The following TMEM232 variants were observed in gnomAD, a reference collection of about 807,000 sequenced individuals.
TMEM232 encodes transmembrane protein 232.
Under a neutral mutation model 78.8 loss-of-function variants are expected in TMEM232, and 80 were observed. The ratio of observed to expected loss-of-function variants is 1.01; its 90% CI spans 0.85 to 1.22. The LOEUF (loss-of-function observed/expected upper bound fraction) is 1.22, where lower values mean the gene tolerates loss of function less well. TMEM232 is among the 50% of genes most tolerant of loss of function. TMEM232 has a pLI of 0.00. For synonymous variants in TMEM232, 297 were observed against 254.3 expected (o/e 1.17, Z -1.60); for missense variants, 881 against 742.2 (o/e 1.19, Z -2.17).
intron 12 of TMEM232, among the ~76,000 whole-genome samples, chr5:110,477,667 A>G (rs978059231): frequency 1.3e-5 from 2 of 151,838 alleles, no homozygotes; most frequent in African/African-American, 4.8e-5. Flanking sequence ...CAGTTTCCTA[A>G]AACATCTGTA....
At chr5:110,631,322 C>A (rs986622882) in intron 5 of TMEM232, among the ~76,000 whole-genome samples, 1 of 152,156 alleles carries the variant, frequency 6.6e-6, no homozygotes, top group African/African-American at 2.4e-5. Flanking sequence ...ACTGCCTCAG[C>A]AGTAGCACAA....
chr5:110,479,953 A>G (rs1195285838), intron 12 of TMEM232, among the ~76,000 whole-genome samples: 1 of 149,440 alleles, frequency 6.7e-6, no homozygotes, highest in East Asian at 1.9e-4. Context: ...TCAGCAGAGA[A>G]AAAAATACAT....
At chr5:110,667,908 T>A (rs1790811505) in intron 1 of TMEM232, among the ~76,000 whole-genome samples, 1 of 152,086 alleles carries the variant, frequency 6.6e-6, no homozygotes, top group African/African-American at 2.4e-5. Flanking sequence ...CTGCTTGTTT[T>A]TACGCCCAGA....
At chr5:110,488,585 G>C (rs1764708702) in intron 12 of TMEM232, among the ~76,000 whole-genome samples, 1 of 152,000 alleles carries the variant, frequency 6.6e-6, no homozygotes, top group African/African-American at 2.4e-5. Flanking sequence ...GCTAACCCTT[G>C]GAAGAAAACA....
At chr5:110,603,582 A>G (rs927364889) in intron 10 of TMEM232, among the ~76,000 whole-genome samples, 6 of 152,202 alleles carry the variant, frequency 3.9e-5, no homozygotes, top group Non-Finnish European at 7.3e-5. Context: ...AAAATCATGT[A>G]TTGAGCTGCT....
At chr5:110,632,191 G>C (rs1288805604) in intron 5 of TMEM232, among the ~76,000 whole-genome samples, 4 of 152,016 alleles carry the variant, frequency 2.6e-5, no homozygotes, top group African/African-American at 7.3e-5. Flanking sequence ...CATGTACTCA[G>C]AACCAAATAC....
intron 12 of TMEM232, among the ~76,000 whole-genome samples, chr5:110,525,720 C>T (rs748730070): frequency 2.6e-4 from 40 of 151,028 alleles, no homozygotes; most frequent in Non-Finnish European, 4.6e-4. Flanking sequence ...AACAAAATAG[C>T]TAGGAAAACA....
Position 110,460,600 on chromosome 5 carries a change from A to G in TMEM232, c.1704-35684T>C, listed in dbSNP as rs189502570. On this transcript the variant is annotated intron_variant, in intron 12 of 13. Transcript: ENST00000455884. ...AATTTGCCACTTCAAACACACACAC[A>G]TATACTACTATAGGCATATTTCATT... Among the ~76,000 whole-genome samples the G allele has an allele frequency of 1.1e-4, 17 of 152,154 alleles. No homozygotes were observed. The East Asian group carries it at 3.3e-3, about 29-fold the overall frequency.
At chr5:110,614,013 T>A (rs1012320774) in intron 8 of TMEM232, among the ~76,000 whole-genome samples, 13 of 151,876 alleles carry the variant, frequency 8.6e-5, no homozygotes, top group Admixed American at 5.3e-4. Context: ...TAATCTTTTT[T>A]AAAAAAAAGA....
intron 5 of TMEM232, among the ~76,000 whole-genome samples, chr5:110,633,943 G>T (rs1333041300): frequency 2.6e-5 from 4 of 152,042 alleles, no homozygotes; most frequent in Non-Finnish European, 4.4e-5. Flanking sequence ...ATTGTATGCT[G>T]CCTATAAGAA....
intron 12 of TMEM232, among the ~76,000 whole-genome samples, chr5:110,518,406 A>T (rs2149491804): frequency 1.3e-5 from 2 of 152,288 alleles, no homozygotes; most frequent in South Asian, 2.1e-4. Flanking sequence ...GAATACACAG[A>T]ATGCATCTGG....
rs142562991 is a variant in TMEM232 at position 110,579,465 on chromosome 5, A to G, written c.1277-10840T>C. Among the ~76,000 whole-genome samples the G allele has an allele frequency of 3.9e-3, 595 of 151,948 alleles. 1 individual carries two copies. The highest frequency in any genetic ancestry group is 6.1e-3 in the Non-Finnish European group (417 of 67,808). On this transcript the variant is annotated intron_variant, in intron 10 of 13. Transcript: ENST00000455884. ...ATACTACACTTAATACTATATTAGT[A>G]TAACAATGGTAAGTAAATCAATTTA...
chr5:110,581,205 C>T (rs1206541601), intron 10 of TMEM232, among the ~76,000 whole-genome samples: 2 of 151,710 alleles, frequency 1.3e-5, no homozygotes, highest in African/African-American at 4.8e-5. Context: ...GCCCAAATTG[C>T]CAAAGCAATC....
intron 12 of TMEM232, among the ~76,000 whole-genome samples, chr5:110,479,301 A>C (rs1339876181): frequency 6.6e-6 from 1 of 151,832 alleles, no homozygotes; most frequent in East Asian, 1.9e-4. Flanking sequence ...TGTAGACCCA[A>C]CTGAATTATA....
chr5:110,467,525 C>T (rs1762211844), intron 12 of TMEM232, among the ~76,000 whole-genome samples: 1 of 152,160 alleles, frequency 6.6e-6, no homozygotes, highest in Non-Finnish European at 1.5e-5. Context: ...ACTGCATTTG[C>T]AGAATAGCTT....
intron 12 of TMEM232, among the ~76,000 whole-genome samples, chr5:110,463,403 G>A (rs1761742938): frequency 6.6e-6 from 1 of 152,110 alleles, no homozygotes; most frequent in Admixed American, 6.5e-5. Flanking sequence ...ACTTTTATAT[G>A]CACTGGGGAA....
At chr5:110,559,683 G>C (rs1172500164) in intron 11 of TMEM232, among the ~76,000 whole-genome samples, 2 of 152,124 alleles carry the variant, frequency 1.3e-5, no homozygotes, top group African/African-American at 2.4e-5. Flanking sequence ...TTCAGTATTG[G>C]TAAGGATTAT....
intron 11 of TMEM232, among the ~76,000 whole-genome samples, chr5:110,535,310 C>T (rs1772176345): frequency 6.6e-6 from 1 of 152,238 alleles, no homozygotes; most frequent in East Asian, 1.9e-4. Flanking sequence ...GAAAGCTCCC[C>T]TACTGAGCAC....
chr5:110,693,941 G>A (rs1794444101), intron 1 of TMEM232, among the ~76,000 whole-genome samples: 1 of 152,002 alleles, frequency 6.6e-6, no homozygotes, highest in South Asian at 2.1e-4. Context: ...TCAAATTCAG[G>A]AAATACAGAG....
Sources: gnomAD v4.1 joint callset for allele counts (sites outside exome capture counted in the v4.1 genomes callset) on GRCh38, gnomAD v4.1.1 for gene constraint, MANE v1.5 for transcripts, NCBI Gene and HGNC (gene_info 2026-07-23, HGNC 2026-07-21) for gene names.